DLGAP2: variants seen among roughly 807,000 people sequenced by gnomAD.
DLGAP2 encodes the protein DLG associated protein 2.
In DLGAP2, 26 loss-of-function variants were observed where a neutral mutation model predicts 100.3. The observed-to-expected ratio is 0.26, with a 90% CI of 0.19 to 0.36. The LOEUF (loss-of-function observed/expected upper bound fraction) is 0.36. Among genes scored for constraint, DLGAP2 ranks in the 10% least tolerant of loss-of-function variants. The pLI is 1.00. For synonymous variants in DLGAP2, 886 were observed against 630.1 expected, an observed-to-expected ratio of 1.41 and a Z score of -6.08; for missense variants, 1,858 against 1,453.2, an observed-to-expected ratio of 1.28 and a Z score of -4.53.
At chr8:1,107,162 A>G (rs1266472309) in intron 2 of DLGAP2, among the ~76,000 whole-genome samples, 1 of 152,242 alleles carries the variant, frequency 6.6e-6, no homozygotes, top group Non-Finnish European at 1.5e-5. Context: ...AAAGCACCAC[A>G]AAGTGGAGAG....
intron 2 of DLGAP2, among the ~76,000 whole-genome samples, chr8:1,015,068 G>GATGCCTCCACT (rs1801415809): frequency 5.6e-5 from 1 of 17,740 alleles, no homozygotes; most frequent in African/African-American, 2.3e-4. Context: ...CAGGACAGAC[G>GATGCCTCCACT]GTGCCTCCAC....
chr8:1,061,155 T>C (rs1294802369), intron 2 of DLGAP2, among the ~76,000 whole-genome samples: 1 of 152,202 alleles, frequency 6.6e-6, no homozygotes, highest in Non-Finnish European at 1.5e-5. Context: ...GACCTGGCGC[T>C]GTCCTTTGCC....
intron 3 of DLGAP2, among the ~76,000 whole-genome samples, chr8:1,414,204 G>A (rs1460913111): frequency 3.9e-5 from 6 of 152,222 alleles, no homozygotes; most frequent in Non-Finnish European, 8.8e-5. Flanking sequence ...GATGGAATCT[G>A]AGAAAGTGCT....
intron 1 of DLGAP2, among the ~76,000 whole-genome samples, chr8:852,548 A>C (rs893522593): frequency 6.6e-6 from 1 of 150,880 alleles, no homozygotes; most frequent in South Asian, 2.1e-4. Context: ...TGCCAGCTTA[A>C]TCGATTGTCT....
chr8:1,476,808 A>G (rs953798883), intron 3 of DLGAP2, among the ~76,000 whole-genome samples: 1 of 148,362 alleles, frequency 6.7e-6, no homozygotes, highest in Non-Finnish European at 1.5e-5. Flanking sequence ...CCCACCCGTG[A>G]TGGCTGAGTG....
At chr8:1,537,618 A>C (rs1801196426) in intron 4 of DLGAP2, among the ~76,000 whole-genome samples, 2 of 152,076 alleles carry the variant, frequency 1.3e-5, no homozygotes, top group Admixed American at 6.5e-5. Context: ...CATCCTGCTC[A>C]TCTCTCTATC....
intron 3 of DLGAP2, among the ~76,000 whole-genome samples, chr8:1,321,173 G>A (rs976078256): frequency 1.0e-4 from 15 of 150,118 alleles, no homozygotes; most frequent in Non-Finnish European, 1.5e-4. Context: ...ATGTGTCTGC[G>A]TCCATGTGTC....
At chr8:936,256 C>T (rs944299685) in intron 2 of DLGAP2, among the ~76,000 whole-genome samples, 5 of 152,140 alleles carry the variant, frequency 3.3e-5, no homozygotes, top group African/African-American at 1.2e-4. Flanking sequence ...CTGCTCCCAT[C>T]AAGAAAGAGA....
intron 2 of DLGAP2, among the ~76,000 whole-genome samples, chr8:1,031,329 G>C (rs978003711): frequency 2.6e-5 from 4 of 152,190 alleles, no homozygotes; most frequent in African/African-American, 7.2e-5. Context: ...TCTTGTGCTA[G>C]AAGCATGTTA....
chr8:1,664,155 G>A (rs1166683817), intron 8 of DLGAP2, among the ~76,000 whole-genome samples: 1 of 152,214 alleles, frequency 6.6e-6, no homozygotes, highest in East Asian at 1.9e-4. Flanking sequence ...GACAGGCCAT[G>A]CCCACTGGCC....
intron 3 of DLGAP2, among the ~76,000 whole-genome samples, chr8:1,352,859 C>T (rs1175587677): frequency 6.6e-6 from 1 of 152,166 alleles, no homozygotes; most frequent in Admixed American, 6.5e-5. Context: ...GCAGGAGATC[C>T]TGGAGGAAGG....
At position 1,668,599 on chromosome 8, in the gene DLGAP2, T is replaced by A. The variant is rs373077533; in HGVS notation, c.2081T>A (p.Val694Glu). The A allele has an allele frequency of 4.7e-5, 75 of 1,599,454 alleles. No homozygotes were observed. Among genetic ancestry groups the A allele is most frequent in the Non-Finnish European group, 5.5e-5 (64 of 1,173,944 alleles). ...RHLPESQSSS[V>E]RTSDKAILVS... The stretch of plus-strand genomic sequence containing the variant: ...CTGCCAGAGAGCCAGAGCAGCTCTG[T>A]GCGGACCAGCGACAAGGCCATCCTG... Residue 694 changes from valine (V) to glutamate (E), a missense_variant, in exon 9 of 15, where the codon GTG becomes GAG. Physicochemically the swap from Val to Glu is moderately radical, Grantham distance 121. Transcript: ENST00000637795.
intron 3 of DLGAP2, among the ~76,000 whole-genome samples, chr8:1,332,562 A>G (rs1033673686): frequency 2.0e-5 from 3 of 152,140 alleles, no homozygotes; most frequent in African/African-American, 7.2e-5. Flanking sequence ...CACACTTGCT[A>G]TGACGGAGCT....
intron 2 of DLGAP2, among the ~76,000 whole-genome samples, chr8:1,216,984 G>A (rs1196221069): frequency 6.6e-6 from 1 of 152,080 alleles, no homozygotes; most frequent in Non-Finnish European, 1.5e-5. Context: ...CCTTAGGTTT[G>A]GGGTGCATGG....
Position 1,359,544 on chromosome 8 carries a change from T to C in DLGAP2, c.106+100661T>C, listed in dbSNP as rs150424763. On this transcript the variant is annotated intron_variant, in intron 3 of 14. Coordinates refer to ENST00000637795, the MANE Select transcript of DLGAP2 (RefSeq NM_001346810.2). ...GGTTCGTGGGGACCACCCGAAGGCC[T>C]GGAGGGATTTGGGCTGAAGCCCAGG... 6.2e-4 allele frequency among the ~76,000 whole-genome samples: 94 copies of C among 152,358 alleles called. 1 individual carries two copies. Among genetic ancestry groups the C allele is most frequent in the East Asian group, 4.8e-3 (25 of 5,162 alleles).
intron 2 of DLGAP2, among the ~76,000 whole-genome samples, chr8:1,203,605 T>C (rs897394233): frequency 6.6e-6 from 1 of 152,196 alleles, no homozygotes; most frequent in Non-Finnish European, 1.5e-5. Flanking sequence ...AGCTTCTCGT[T>C]TGAATGTACT....
intron 2 of DLGAP2, among the ~76,000 whole-genome samples, chr8:1,236,285 A>G (rs1415242529): frequency 4.1e-5 from 2 of 48,920 alleles, no homozygotes; most frequent in Admixed American, 2.1e-4. Context: ...GTTCTCTCAC[A>G]TGGCGCCGTG....
chr8:1,660,068 G>T (rs1798374460), intron 8 of DLGAP2, among the ~76,000 whole-genome samples: 1 of 152,140 alleles, frequency 6.6e-6, no homozygotes, highest in South Asian at 2.1e-4. Context: ...GCATCTGCTT[G>T]TCTGTAAAGG....
At chr8:853,329 G>A (rs1269207738) in intron 1 of DLGAP2, among the ~76,000 whole-genome samples, 3 of 152,226 alleles carry the variant, frequency 2.0e-5, no homozygotes, top group Non-Finnish European at 4.4e-5. Context: ...GGTTCTGCCA[G>A]TATCAAGCTG....
Sources: allele counts gnomAD v4.1 joint callset (sites outside exome capture counted in the v4.1 genomes callset), GRCh38; gene constraint gnomAD v4.1.1; transcripts MANE v1.5; gene names NCBI Gene and HGNC (gene_info 2026-07-23, HGNC 2026-07-21).